Variants in SERINC3 observed in about 807,000 individuals in gnomAD.
The protein encoded by SERINC3 is serine incorporator 3.
SERINC3 carries 22 observed loss-of-function variants against 52.1 expected under a neutral mutation model. The observed-to-expected ratio is 0.42, with a 90% confidence interval of 0.30 to 0.60. The LOEUF (loss-of-function observed/expected upper bound fraction) is 0.60, where lower values mean the gene tolerates loss of function less well. SERINC3 is among the 20% of genes least tolerant of loss of function. SERINC3 has a pLI of 0.16. For missense variants in SERINC3, 564 were observed against 584.6 expected (o/e 0.96, Z 0.36); for synonymous variants, 226 against 212.7 (o/e 1.06, Z -0.54).
chr20:44,513,184 A>C (rs2064359198), intron 2 of SERINC3, among the ~76,000 whole-genome samples, 190 bp from the exon 3 acceptor site: 1 of 152,176 alleles, frequency 6.6e-6, no homozygotes, highest in African/African-American at 2.4e-5. Flanking sequence ...CATGCATTTT[A>C]AAAATAAAAA....
At chr20:44,513,024 A>G in intron 2 of SERINC3, 30 bp from the exon 3 acceptor site, 1 of 1,431,866 alleles carries the variant, frequency 7.0e-7, no homozygotes, top group Non-Finnish European at 9.3e-7. Flanking sequence ...ATGTTACGAG[A>G]ATATCTACAT....
chr20:44,521,939 G>C lies in SERINC3; in HGVS notation c.13C>G (p.Leu5Val), dbSNP rs1187874081. The stretch of plus-strand genomic sequence containing the variant: ...CAGCTGGCGAGGGAGAAGACACCCA[G>C]CACAGCCCCCATGGTGACGCCAGTG... MGAVLGVFSLASWVP... is the reference protein window; with the variant it reads MGAVVGVFSLASWVP... Residue 5 changes from leucine (L) to valine (V), a missense_variant, in exon 1 of 10, where the codon CTG becomes GTG. By Grantham distance (32) the Leu-to-Val change is conservative. Coordinates refer to ENST00000342374, the MANE Select transcript of SERINC3 (RefSeq NM_006811.4). 3 of 1,611,518 alleles carry C rather than the reference G, an allele frequency of 1.9e-6. No individual in the cohort carries two copies. Among genetic ancestry groups the C allele is most frequent in the Admixed American group, 1.7e-5 (1 of 59,676 alleles).
chr20:44,504,619 C>T (rs2064299852), intron 7 of SERINC3, among the ~76,000 whole-genome samples, 182 bp downstream of exon 7: 1 of 152,172 alleles, frequency 6.6e-6, no homozygotes, highest in Non-Finnish European at 1.5e-5. Context: ...AAATAGCTAT[C>T]AATAGATGTG....
At position 44,504,868 on chromosome 20, in the gene SERINC3, G is replaced by A; in HGVS notation, c.807C>T (p.Leu269=). The A allele has an allele frequency of 1.9e-6, 3 of 1,613,524 alleles. No homozygotes were observed. The highest frequency in any genetic ancestry group is 2.5e-6 in the Non-Finnish European group (3 of 1,179,552). ...KIQEHQPRSG[L]LQSSLITLYT... ...AGAGGGTGATGAGGGAGGACTGCAA[G>A]AGGCCGGAGCGAGGCTGGTGTTCCT... Residue 269 remains leucine (L), a synonymous_variant, in exon 7 of 10, where the codon CTC becomes CTT. Transcript: ENST00000342374.
At chr20:44,510,362 C>T (rs1226969696) in intron 4 of SERINC3, among the ~76,000 whole-genome samples, 1 of 152,176 alleles carries the variant, frequency 6.6e-6, no homozygotes, top group Admixed American at 6.5e-5. Flanking sequence ...TAGGGGAGCA[C>T]AAGAGTTGTA....
At chr20:44,520,853 G>A (rs554324806) in intron 1 of SERINC3, among the ~76,000 whole-genome samples, 1 of 152,330 alleles carries the variant, frequency 6.6e-6, no homozygotes, top group African/African-American at 2.4e-5. Context: ...AAGCCAAGGA[G>A]GGAGGTCACG....
intron 8 of SERINC3, among the ~76,000 whole-genome samples, chr20:44,502,367 G>A (rs1437812603): frequency 6.6e-6 from 1 of 151,612 alleles, no homozygotes; most frequent in Non-Finnish European, 1.5e-5. Context: ...TGGGAGGATC[G>A]CCAGAGGACA....
chr20:44,509,248 A>T (rs1352772828), intron 5 of SERINC3, among the ~76,000 whole-genome samples: 1 of 152,166 alleles, frequency 6.6e-6, no homozygotes, highest in Non-Finnish European at 1.5e-5. Flanking sequence ...TAAGGCCATA[A>T]GGACTACTCA....
In SERINC3 at chr20:44,504,894, A is replaced by G. The variant is rs2123039609; in HGVS notation, c.784-3T>C. On this transcript the variant is annotated splice_polypyrimidine_tract_variant and splice_region_variant and intron_variant, in intron 6 of 9. Transcript: ENST00000342374. ...AGGCCGGAGCGAGGCTGGTGTTCCT[A>G]TGGAATCAAAAGGAAAACAGTGGCA... The G allele has an allele frequency of 6.2e-7, 1 of 1,612,110 alleles. No homozygotes were observed. Among genetic ancestry groups the G allele is most frequent in the Non-Finnish European group, 8.5e-7 (1 of 1,178,526 alleles).
intron 1 of SERINC3, among the ~76,000 whole-genome samples, chr20:44,517,725 T>G (rs2123071912): frequency 6.6e-6 from 1 of 152,320 alleles, no homozygotes; most frequent in Non-Finnish European, 1.5e-5. Flanking sequence ...TTTAAGCCAC[T>G]CGGTCTGTGG....
At chr20:44,510,791 A>G (rs1006402133) in intron 4 of SERINC3, among the ~76,000 whole-genome samples, 3 of 152,054 alleles carry the variant, frequency 2.0e-5, no homozygotes, top group African/African-American at 4.8e-5. Context: ...AGCCTGGGAG[A>G]CAGAGTGAGA....
downstream of SERINC3, among the ~76,000 whole-genome samples, chr20:44,496,797 A>G (rs1337262658): frequency 2.0e-5 from 3 of 152,178 alleles, no homozygotes; most frequent in Admixed American, 1.3e-4. Context: ...CTGTCTAAAA[A>G]AAGAAAAAAG....
intron 1 of SERINC3, among the ~76,000 whole-genome samples, chr20:44,514,281 G>C (rs193299619): frequency 4.5e-4 from 68 of 152,262 alleles, no homozygotes; most frequent in African/African-American, 1.6e-3. Flanking sequence ...CTCAATAATG[G>C]AATTTTCCTC....
chr20:44,506,584 CAAAAAAA>C (rs1191331026), intron 6 of SERINC3, among the ~76,000 whole-genome samples: 14 of 14,254 alleles, frequency 9.8e-4, no homozygotes, highest in South Asian at 3.6e-3. Flanking sequence ...GACTCCATCT[CAAAAAAA>C]AAAAAAAAAA....
chr20:44,518,801 CTAAAAATA>C (rs1600820774), intron 1 of SERINC3, among the ~76,000 whole-genome samples: 1 of 152,152 alleles, frequency 6.6e-6, no homozygotes, highest in East Asian at 1.9e-4. Flanking sequence ...CCCATCTCTA[CTAAAAATA>C]CAAAATTAGC....
rs1286204765 is a variant in SERINC3 at position 44,501,294 on chromosome 20, GC to G, written c.1061del (p.Arg354ProfsTer8). The G allele has an allele frequency of 5.6e-6, 9 of 1,613,736 alleles. No homozygotes were observed. Among genetic ancestry groups the G allele is most frequent in the Non-Finnish European group, 7.6e-6 (9 of 1,179,846 alleles). ...TGTCTACTTGGCTATTAGTGGAAGT[GC>G]GGATGCTGGAAAGTGATCCCAAGGA... ...FVLCLLYSSI[R>X]TSTNSQVDKL... On this transcript the variant is annotated frameshift_variant, in exon 9 of 10. Transcript: ENST00000342374. LOFTEE classifies it high-confidence loss of function.
At chr20:44,517,437 G>T (rs1340020956) in intron 1 of SERINC3, among the ~76,000 whole-genome samples, 2 of 152,188 alleles carry the variant, frequency 1.3e-5, no homozygotes, top group African/African-American at 4.8e-5. Context: ...GAGGTTATAT[G>T]GAGTAGAGTG....
intron 1 of SERINC3, among the ~76,000 whole-genome samples, chr20:44,516,042 G>T (rs142874959): frequency 6.6e-6 from 1 of 151,994 alleles, no homozygotes; most frequent in Non-Finnish European, 1.5e-5. Context: ...GGTGGCTCAC[G>T]CCTGTAATCC....
intron 6 of SERINC3, among the ~76,000 whole-genome samples, chr20:44,505,532 G>C (rs191533731): frequency 6.6e-6 from 1 of 152,108 alleles, no homozygotes; most frequent in Non-Finnish European, 1.5e-5. Context: ...TGTTGGCCAA[G>C]CTGGTCTTGA....
Sources: gnomAD v4.1 joint callset for allele counts (sites outside exome capture counted in the v4.1 genomes callset) on GRCh38, gnomAD v4.1.1 for gene constraint, MANE v1.5 for transcripts, NCBI Gene and HGNC (gene_info 2026-07-23, HGNC 2026-07-21) for gene names.